XIRP2: variants seen among roughly 807,000 people sequenced by gnomAD.
XIRP2 encodes the protein xin actin-binding repeat-containing protein 2.
In XIRP2, 236 loss-of-function variants were observed where a neutral mutation model predicts 277.0. The observed-to-expected ratio is 0.85, with a 90% CI of 0.77 to 0.95. XIRP2 has a LOEUF of 0.95. Among genes scored for constraint, XIRP2 ranks in the 40% least tolerant of loss-of-function variants. The probability of loss-of-function intolerance (pLI) is 0.00; values close to 1 mark genes in which losing one functional copy is unlikely to be tolerated. For synonymous variants in XIRP2, 1,490 were observed against 1,416.5 expected, an observed-to-expected ratio of 1.05 and a Z score of -1.17; for missense variants, 4,640 against 4,157.5, an observed-to-expected ratio of 1.12 and a Z score of -3.19.
chr2:167,254,147 A>G lies in XIRP2; in HGVS notation c.*21A>G. Reference sequence around the variant, plus strand: ...CATAAGTCCTGCTTCCGATGCCACCATTGCAACAGTAAACTAAGGTAAAAT... The same window carrying G: ...CATAAGTCCTGCTTCCGATGCCACCGTTGCAACAGTAAACTAAGGTAAAAT... On this transcript the variant is annotated 3_prime_UTR_variant, in exon 10 of 11. Transcript: ENST00000409195. The G allele has an allele frequency of 1.2e-6, 2 of 1,609,764 alleles. No homozygotes were observed. The highest frequency in any genetic ancestry group is 1.7e-4 in the Middle Eastern group (1 of 5,810).
chr2:166,948,543 T>C (rs1685943633), intron 2 of XIRP2, among the ~76,000 whole-genome samples: 1 of 152,040 alleles, frequency 6.6e-6, no homozygotes, highest in Non-Finnish European at 1.5e-5. Context: ...ATTTCAATAA[T>C]CTTTGTGGGC....
intron 3 of XIRP2, among the ~76,000 whole-genome samples, chr2:167,142,570 AT>A (rs1412703647): frequency 7.9e-5 from 12 of 152,112 alleles, no homozygotes; most frequent in African/African-American, 2.7e-4. Flanking sequence ...AAATAAAAAA[AT>A]AAAAAAAAAG....
At chr2:167,185,365 T>C (rs1693125417) in intron 3 of XIRP2, among the ~76,000 whole-genome samples, 1 of 152,094 alleles carries the variant, frequency 6.6e-6, no homozygotes, top group African/African-American at 2.4e-5. Flanking sequence ...ATATATACAT[T>C]AGAAAATTTA....
intron 2 of XIRP2, among the ~76,000 whole-genome samples, chr2:166,950,921 C>T (rs776706579): frequency 2.6e-5 from 4 of 151,962 alleles, no homozygotes; most frequent in Non-Finnish European, 4.4e-5. Flanking sequence ...ATTCACAGCA[C>T]AGAATAGACA....
At chr2:167,216,096 T>C (rs927292921) in intron 4 of XIRP2, among the ~76,000 whole-genome samples, 1 of 132,282 alleles carries the variant, frequency 7.6e-6, no homozygotes, top group East Asian at 2.2e-4. Context: ...AAGCTGAAAC[T>C]GGATCCCTTC....
chr2:166,954,738 G>A (rs986716293), intron 2 of XIRP2, among the ~76,000 whole-genome samples: 18 of 151,828 alleles, frequency 1.2e-4, no homozygotes, highest in African/African-American at 1.7e-4. Flanking sequence ...CTACGCAGTC[G>A]TGAAAAGGAA....
Position 167,241,817 on chromosome 2 carries a change from G to A in XIRP2, c.1083G>A (p.Ser361=), listed in dbSNP as rs780019537. The change falls in exon 8 of 11, where the codon TCG becomes TCA. Residue 361 remains serine (S), a synonymous_variant. Coordinates refer to ENST00000409195, the MANE Select transcript of XIRP2 (RefSeq NM_152381.6). ...AGGATGAAGAGATTCCAAAGGTTTC[G>A]ACTAAGTTGTTAAAAGAGCAGTTTG... ...TPEDEEIPKV[S]TKLLKEQFEK... The A allele has an allele frequency of 1.5e-5, 25 of 1,613,446 alleles. No homozygotes were observed. In the Admixed American group the frequency reaches 1.7e-4, roughly 11 times the overall value.
intron 2 of XIRP2, among the ~76,000 whole-genome samples, chr2:167,081,899 T>C (rs1689746851): frequency 6.6e-6 from 1 of 152,134 alleles, no homozygotes; most frequent in Non-Finnish European, 1.5e-5. Flanking sequence ...CATAGAAGGC[T>C]AGAAGTAGTA....
intron 2 of XIRP2, among the ~76,000 whole-genome samples, chr2:166,929,775 C>T (rs1342708875): frequency 6.6e-6 from 1 of 151,978 alleles, no homozygotes; most frequent in East Asian, 1.9e-4. Flanking sequence ...TGGAGATGTG[C>T]TTGTTTGTTT....
intron 2 of XIRP2, among the ~76,000 whole-genome samples, chr2:166,926,286 T>C (rs1467615148): frequency 6.6e-6 from 1 of 152,062 alleles, no homozygotes; most frequent in Non-Finnish European, 1.5e-5. Context: ...CCCTCCTTCA[T>C]TATTGTGCCA....
chr2:167,254,973 A>T (rs778555582), intron 10 of XIRP2, among the ~76,000 whole-genome samples: 2 of 150,900 alleles, frequency 1.3e-5, no homozygotes, highest in Non-Finnish European at 3.0e-5. Flanking sequence ...ACTTTAATTG[A>T]CAATGTCGAA....
intron 2 of XIRP2, among the ~76,000 whole-genome samples, chr2:167,111,662 GT>G (rs57241412): frequency 0.29 from 44,759 of 151,906 alleles, 9,048 homozygotes; most frequent in African/African-American, 0.57. Context: ...CCAGCTTTTG[GT>G]TATCATGATG....
chr2:167,012,590 A>G (rs1405811594), intron 2 of XIRP2, among the ~76,000 whole-genome samples: 1 of 151,670 alleles, frequency 6.6e-6, no homozygotes, highest in Admixed American at 6.6e-5. Context: ...TCCCATCATT[A>G]TGACATAGTA....
intron 2 of XIRP2, among the ~76,000 whole-genome samples, chr2:167,087,017 C>T (rs1248143831): frequency 6.6e-6 from 1 of 151,288 alleles, no homozygotes; most frequent in Non-Finnish European, 1.5e-5. Flanking sequence ...AGGAGAGGCG[C>T]TCTGCGTTTT....
chr2:166,896,817 T>A (rs1272906685), intron 1 of XIRP2, among the ~76,000 whole-genome samples: 1 of 152,184 alleles, frequency 6.6e-6, no homozygotes, highest in African/African-American at 2.4e-5. Flanking sequence ...CAAGCTCCAT[T>A]AATGATAAGT....
intron 3 of XIRP2, among the ~76,000 whole-genome samples, chr2:167,208,310 CT>C (rs890586515): frequency 1.3e-5 from 2 of 151,820 alleles, no homozygotes; most frequent in African/African-American, 2.4e-5. Flanking sequence ...TTATCATTCC[CT>C]TTTTTTTGAG....
chr2:167,044,451 G>A (rs1473135109), intron 2 of XIRP2, among the ~76,000 whole-genome samples: 2 of 151,974 alleles, frequency 1.3e-5, no homozygotes, highest in Non-Finnish European at 2.9e-5. Context: ...ATAGATAAAA[G>A]GCATCCAAAT....
chr2:166,908,876 C>A (rs958324596), intron 2 of XIRP2, among the ~76,000 whole-genome samples: 1 of 152,280 alleles, frequency 6.6e-6, no homozygotes. Flanking sequence ...AATAGGGAAT[C>A]CTTTCCCCAT....
chr2:167,160,150 C>T (rs1451131200), intron 3 of XIRP2, among the ~76,000 whole-genome samples: 1 of 152,036 alleles, frequency 6.6e-6, no homozygotes, highest in Non-Finnish European at 1.5e-5. Context: ...TAAGAAATAA[C>T]TATGTGTCTC....
Sources: gnomAD v4.1 joint callset for allele counts (sites outside exome capture counted in the v4.1 genomes callset) on GRCh38, gnomAD v4.1.1 for gene constraint, MANE v1.5 for transcripts, NCBI Gene and HGNC (gene_info 2026-07-23, HGNC 2026-07-21) for gene names.